The following HIP1 variants were observed in gnomAD, a reference collection of about 807,000 sequenced individuals.
The protein encoded by HIP1 is huntingtin interacting protein 1.
A neutral mutation model predicts 147.6 loss-of-function variants in HIP1; 65 were observed. That is an observed-to-expected ratio of 0.44 (90% CI 0.36 to 0.54). The LOEUF (loss-of-function observed/expected upper bound fraction) is 0.54. HIP1 is among the 20% of genes least tolerant of loss of function. The pLI is 0.00. For synonymous variants in HIP1, 479 were observed against 504.0 expected (o/e 0.95, Z 0.67); for missense variants, 1,061 against 1,299.6 (o/e 0.82, Z 2.82).
chr7:75,593,638 A>G (rs1321125612), intron 2 of HIP1, among the ~76,000 whole-genome samples: 4 of 150,882 alleles, frequency 2.7e-5, no homozygotes, highest in Non-Finnish European at 5.9e-5. Flanking sequence ...TCAAAAAAAA[A>G]AAAAAAAAAA....
At chr7:75,579,216 T>C (rs587650028) in intron 7 of HIP1, among the ~76,000 whole-genome samples, 1 of 152,306 alleles carries the variant, frequency 6.6e-6, no homozygotes, top group South Asian at 2.1e-4. Context: ...TTTATTTTTA[T>C]TTCTCTACTG....
At chr7:75,686,843 C>CTTTTTTTTTTT (rs55942242) in intron 1 of HIP1, among the ~76,000 whole-genome samples, 11 of 80,136 alleles carry the variant, frequency 1.4e-4, no homozygotes, top group East Asian at 3.6e-4. Flanking sequence ...TATTTTAGTT[C>CTTTTTTTTTTT]TTTTTTTTTT....
chr7:75,581,736 G>A (rs1796058022), intron 6 of HIP1, among the ~76,000 whole-genome samples: 1 of 152,170 alleles, frequency 6.6e-6, no homozygotes, highest in Non-Finnish European at 1.5e-5. Flanking sequence ...CCGAGATCAA[G>A]TCACTGCACT....
chr7:75,666,633 T>C (rs541891787), intron 1 of HIP1, among the ~76,000 whole-genome samples: 8 of 152,234 alleles, frequency 5.3e-5, no homozygotes, highest in Non-Finnish European at 1.2e-4. Context: ...CAAGGTTAGA[T>C]AGAGCGGGTG....
chr7:75,714,027 T>C (rs1352833081), intron 1 of HIP1, among the ~76,000 whole-genome samples: 2 of 151,400 alleles, frequency 1.3e-5, no homozygotes, highest in Non-Finnish European at 2.9e-5. Context: ...TTTTATTTTA[T>C]TTCATTTTAT....
At chr7:75,637,417 G>A (rs1798459317) in intron 1 of HIP1, among the ~76,000 whole-genome samples, 1 of 151,908 alleles carries the variant, frequency 6.6e-6, no homozygotes, top group African/African-American at 2.4e-5. Context: ...CGAAGCTTCA[G>A]ATCCCTCAAC....
rs782695230 is a variant in HIP1, at chr7:75,548,956, C to T, written c.2341G>A (p.Asp781Asn). 22 of 1,614,036 alleles carry T rather than the reference C, an allele frequency of 1.4e-5. No homozygotes were observed. The highest frequency in any genetic ancestry group is 1.9e-5 in the Non-Finnish European group (22 of 1,179,940). The change falls in exon 23 of 31, where the codon GAC (aspartate) becomes AAC (asparagine). Residue 781 changes from aspartate (D) to asparagine (N), a missense_variant. Asp to Asn is a conservative substitution (Grantham distance 23). Coordinates refer to ENST00000336926, the MANE Select transcript of HIP1 (RefSeq NM_005338.7). The stretch of plus-strand genomic sequence containing the variant: ...GCCGCCATCTCCTTGTCCACCAGGT[C>T]CCCCAGCTCCTCCTGCTTGATGTCC... ...GLDIKQEELG[D>N]LVDKEMAATS...
rs1794043247 is a variant in HIP1 at position 75,535,315 on chromosome 7, T to C, written c.*2857A>G. 5.1e-6 allele frequency: 1 copy of C among 196,914 alleles called. No individual in the cohort carries two copies. The highest frequency in any genetic ancestry group is 2.3e-5 in the African/African-American group (1 of 43,308). 12.2% of individuals were successfully genotyped at this position (196,914 alleles called of 1,614,324 possible). A position where few individuals can be genotyped will look rare whatever the true frequency, so the allele number is the denominator to read the frequency against. On this transcript the variant is annotated 3_prime_UTR_variant, in exon 31 of 31. Transcript: ENST00000336926. ...CAGGCTGGAGTGCAGTGGGAAATCA[T>C]GGCTCATTGCAGCCTCAAACTCCTG... is the stretch of plus-strand genomic sequence containing the variant.
chr7:75,560,751 T>A lies in HIP1; in HGVS notation c.1191+578A>T, dbSNP rs150779869. 3.6e-3 allele frequency among the ~76,000 whole-genome samples: 545 copies of A among 152,212 alleles called. 3 individuals carry two copies. The highest frequency in any genetic ancestry group is 0.013 in the African/African-American group (527 of 41,550). On this transcript the variant is annotated intron_variant, in intron 13 of 30. Transcript: ENST00000336926. ...AGACCTGGTTCTTTTGGATTTAGCA[T>A]TTCTACCAGTTTTTATTTGGTTTTA...
intron 1 of HIP1, among the ~76,000 whole-genome samples, chr7:75,728,530 C>T (rs1382248368): frequency 2.0e-5 from 3 of 152,178 alleles, no homozygotes; most frequent in Non-Finnish European, 4.4e-5. Flanking sequence ...CGCCACACCT[C>T]GCCTTGAGGC....
intron 22 of HIP1, among the ~76,000 whole-genome samples, chr7:75,550,198 A>T (rs2116777904): frequency 6.6e-6 from 1 of 152,332 alleles, no homozygotes; most frequent in South Asian, 2.1e-4. Flanking sequence ...TGTTATACAT[A>T]CTAAGGTATA....
intron 1 of HIP1, among the ~76,000 whole-genome samples, chr7:75,643,817 T>A (rs1554510761): frequency 6.6e-6 from 1 of 152,164 alleles, no homozygotes; most frequent in African/African-American, 2.4e-5. Flanking sequence ...CTGGCCAGCA[T>A]GGTGAAACCC....
intron 1 of HIP1, among the ~76,000 whole-genome samples, chr7:75,692,387 G>A (rs1260516577): frequency 6.6e-6 from 1 of 151,264 alleles, no homozygotes; most frequent in Admixed American, 6.6e-5. Context: ...AGTCTCCCAA[G>A]CAGCTGGGAC....
At chr7:75,678,035 A>G (rs1330141506) in intron 1 of HIP1, among the ~76,000 whole-genome samples, 1 of 151,950 alleles carries the variant, frequency 6.6e-6, no homozygotes, top group Non-Finnish European at 1.5e-5. Context: ...TGCTTATTAC[A>G]ATATGGCATC....
chr7:75,540,859 T>C (rs1277273342), intron 29 of HIP1, among the ~76,000 whole-genome samples: 3 of 152,194 alleles, frequency 2.0e-5, no homozygotes, highest in Admixed American at 2.0e-4. Context: ...AAATAATTCA[T>C]ACCAGAAGTC....
intron 1 of HIP1, among the ~76,000 whole-genome samples, chr7:75,678,062 T>C (rs1799953828): frequency 6.6e-6 from 1 of 152,136 alleles, no homozygotes; most frequent in Non-Finnish European, 1.5e-5. Flanking sequence ...TAGATTCACT[T>C]GCTTACTGTC....
chr7:75,596,650 T>C (rs1446838749), intron 2 of HIP1, among the ~76,000 whole-genome samples: 2 of 152,084 alleles, frequency 1.3e-5, no homozygotes, highest in Non-Finnish European at 2.9e-5. Flanking sequence ...CCTTCCAAAG[T>C]GCTGGGATTA....
chr7:75,653,935 C>CTAT (rs577661714), intron 1 of HIP1, among the ~76,000 whole-genome samples: 289 of 152,226 alleles, frequency 1.9e-3, no homozygotes, highest in Middle Eastern at 3.4e-3. Context: ...ATGCCAGGCC[C>CTAT]TATTTTGAGT....
At chr7:75,551,910 G>A (rs1794799632) in intron 22 of HIP1, among the ~76,000 whole-genome samples, 1 of 151,902 alleles carries the variant, frequency 6.6e-6, no homozygotes, top group Admixed American at 6.6e-5. Flanking sequence ...TATTTTTTGA[G>A]TGGAGTTTCG....
Sources: gnomAD v4.1 joint callset for allele counts (sites outside exome capture counted in the v4.1 genomes callset) on GRCh38, gnomAD v4.1.1 for gene constraint, MANE v1.5 for transcripts, NCBI Gene and HGNC (gene_info 2026-07-23, HGNC 2026-07-21) for gene names.